The following AMACR variants were observed in gnomAD, a reference collection of about 807,000 sequenced individuals.
AMACR encodes 2-methylacyl-CoA racemase.
Under a neutral mutation model 22.2 loss-of-function variants are expected in AMACR, and 18 were observed. The ratio of observed to expected loss-of-function variants is 0.81; its 90% CI spans 0.56 to 1.20. The LOEUF (loss-of-function observed/expected upper bound fraction) is 1.20, where lower values mean the gene tolerates loss of function less well. Ranked by LOEUF, AMACR falls within the 50% of genes most tolerant of loss-of-function variation. The pLI, the probability that AMACR is intolerant of heterozygous loss-of-function variation, is 0.00. For missense variants in AMACR, 499 were observed against 490.6 expected (o/e 1.02, Z -0.16); for synonymous variants, 213 against 191.3 (o/e 1.11, Z -0.94).
Position 33,989,264 on chromosome 5 carries a change from G to A in AMACR, c.978C>T (p.Arg326=), listed in dbSNP as rs764961991. Residue 326 remains arginine (R), a synonymous_variant, in exon 5 of 5, where the codon CGC becomes CGT. Coordinates refer to ENST00000335606, the MANE Select transcript of AMACR (RefSeq NM_014324.6). ...GGGTGTTTAACAGCAGAGGTGCAGG[G>A]CGGGGGCTCACGTCCTGCTCCTCAC... ...ITSEEQDVSP[R]PAPLLLNTPA... is the part of the protein sequence containing the mutation. 3 of 1,613,956 alleles carry A rather than the reference G, an allele frequency of 1.9e-6. No individual in the cohort carries two copies. The highest frequency in any genetic ancestry group is 2.7e-5 in the African/African-American group (2 of 74,884).
chr5:33,988,872 A>G lies in AMACR; in HGVS notation c.*221T>C, dbSNP rs1753380643. 4.3e-6 allele frequency: 6 copies of G among 1,388,262 alleles called. No homozygotes were observed. Among genetic ancestry groups the G allele is most frequent in the Non-Finnish European group, 5.6e-6 (6 of 1,075,210 alleles). The allele number at this position is 1,388,262 out of a possible 1,614,324, so 86.0% of individuals were successfully genotyped here. ...ACTGGAAGGCAGAATAACTACCATA[A>G]TTTAGTATAAGTACCCAAAGTTTTA... On this transcript the variant is annotated 3_prime_UTR_variant, in exon 5 of 5. Transcript: ENST00000335606.
At chr5:33,990,773 G>GA (rs1753448841) in intron 4 of AMACR, among the ~76,000 whole-genome samples, 2 of 152,334 alleles carry the variant, frequency 1.3e-5, no homozygotes, top group African/African-American at 4.8e-5. Context: ...ATAGAGGTAA[G>GA]AAGACATAAA....
At chr5:34,004,977 T>C (rs1303058687) in intron 2 of AMACR, among the ~76,000 whole-genome samples, 1 of 152,238 alleles carries the variant, frequency 6.6e-6, no homozygotes, top group Non-Finnish European at 1.5e-5. Context: ...TTTTCAAATA[T>C]TGCTAAGTTT....
At chr5:33,991,763 C>T (rs961613464) in intron 4 of AMACR, among the ~76,000 whole-genome samples, 18 of 96,456 alleles carry the variant, frequency 1.9e-4, no homozygotes, top group Admixed American at 5.5e-4. Flanking sequence ...ATTTTTGAGA[C>T]GGAGTCTCCC....
At chr5:33,997,097 C>A in intron 4 of AMACR, 1 of 760,818 alleles carries the variant, frequency 1.3e-6, no homozygotes. Context: ...AACTGCTCTG[C>A]TGTGAGAGAG....
At chr5:33,996,067 T>G (rs1270960258) in intron 4 of AMACR, among the ~76,000 whole-genome samples, 3 of 152,100 alleles carry the variant, frequency 2.0e-5, no homozygotes, top group African/African-American at 7.2e-5. Context: ...GAACTGTCAT[T>G]ATTTAGCCTG....
In AMACR at chr5:34,004,476, C is replaced by A. The variant is rs182629265; in HGVS notation, c.552+98G>T. 87 of 1,512,312 alleles carry A rather than the reference C, an allele frequency of 5.8e-5. No individual in the cohort carries two copies. The African/African-American group carries it at 1.1e-3, about 18-fold the overall frequency. 93.7% of individuals were successfully genotyped at this position (1,512,312 alleles called of 1,614,324 possible). A position where few individuals can be genotyped will look rare whatever the true frequency, so the allele number is the denominator to read the frequency against. On this transcript the variant is annotated intron_variant, in intron 3 of 4. Coordinates refer to ENST00000335606, the MANE Select transcript of AMACR (RefSeq NM_014324.6). The stretch of plus-strand genomic sequence containing the variant: ...TAACCTGGCTTGAAACTTCAAATGT[C>A]ATTTATCTCTTGTCTTCTTCTTCAA...
chr5:33,996,816 G>A (rs1402217187), intron 4 of AMACR, among the ~76,000 whole-genome samples: 2 of 151,920 alleles, frequency 1.3e-5, no homozygotes, highest in Non-Finnish European at 2.9e-5. Context: ...GGTATTTAAG[G>A]ACATTTCTGT....
At chr5:34,002,162 A>G (rs1753838556) in intron 3 of AMACR, among the ~76,000 whole-genome samples, 1 of 152,048 alleles carries the variant, frequency 6.6e-6, no homozygotes, top group African/African-American at 2.4e-5. Context: ...AAGCCCAGCT[A>G]CTTTTTTGTA....
At chr5:34,002,984 G>A (rs993349460) in intron 3 of AMACR, among the ~76,000 whole-genome samples, 5 of 152,160 alleles carry the variant, frequency 3.3e-5, no homozygotes, top group Non-Finnish European at 1.5e-5. Context: ...GGGGTTTCTG[G>A]TAGAAAATGG....
chr5:34,007,830 C>A lies in AMACR; in HGVS notation c.190G>T (p.Ala64Ser), dbSNP rs768983010. The A allele has an allele frequency of 6.4e-7, 1 of 1,574,552 alleles. No homozygotes were observed. Among genetic ancestry groups the A allele is most frequent in the Non-Finnish European group, 8.6e-7 (1 of 1,163,928 alleles). Residue 64 changes from alanine to serine, a missense_variant, in exon 1 of 5, where the codon GCC (alanine) becomes TCC (serine). By Grantham distance (99) the Ala-to-Ser change is moderately conservative (BLOSUM62 1). Transcript: ENST00000335606. ...VLDLKQPRGAAVLRRLCKRSD... is the reference protein window; with the variant it reads ...VLDLKQPRGASVLRRLCKRSD... The stretch of plus-strand genomic sequence containing the variant: ...CGCTTGCACAGACGCCGCAGCACGG[C>A]GGCTCCCCGCGGCTGCTTCAGGTCC...
chr5:33,988,796 C>T lies in AMACR; in HGVS notation c.*297G>A, dbSNP rs1021068621. ...TATATCATTCCTTTTTCACTAGAAC[C>T]CATTCAAAATATAAGTCAAGAATCT... On this transcript the variant is annotated 3_prime_UTR_variant, in exon 5 of 5. Transcript: ENST00000335606. 1.7e-5 allele frequency: 21 copies of T among 1,256,134 alleles called. No homozygotes were observed. Among genetic ancestry groups the T allele is most frequent in the Non-Finnish European group, 2.1e-5 (21 of 996,366 alleles). 77.8% of individuals were successfully genotyped at this position (1,256,134 alleles called of 1,614,324 possible).
Position 33,988,307 on chromosome 5 carries a change from T to C in AMACR, c.*786A>G. On this transcript the variant is annotated 3_prime_UTR_variant, in exon 5 of 5. Coordinates refer to ENST00000335606, the MANE Select transcript of AMACR (RefSeq NM_014324.6). ...CGACTTGCTGGGGGGTCCTGAGATC[T>C]TTATTTCTGGATGTTGCTGTGTGTT... 6.5e-7 allele frequency: 1 copy of C among 1,539,906 alleles called. No individual in the cohort carries two copies. The highest frequency in any genetic ancestry group is 2.4e-5 in the East Asian group (1 of 41,406).
Position 34,005,849 on chromosome 5 carries a change from G to A in AMACR, c.298C>T (p.Pro100Ser). 6.2e-7 allele frequency: 1 copy of A among 1,614,102 alleles called. No individual in the cohort carries two copies. Among genetic ancestry groups the A allele is most frequent in the Non-Finnish European group, 8.5e-7 (1 of 1,180,014 alleles). Residue 100 changes from proline (P) to serine (S), a missense_variant, in exon 2 of 5, where the codon CCA becomes TCA. Transcript: ENST00000335606. ...CTCAGCCTGGCATAAATAAGCCTTGGATTTTCCCGCTGCAGAATCTCTGGG... is the reference window on the plus strand; with the variant it reads ...CTCAGCCTGGCATAAATAAGCCTTGAATTTTCCCGCTGCAGAATCTCTGGG... ...LGPEILQREN[P>S]RLIYARLSGF...
At position 34,007,785 on chromosome 5, in the gene AMACR, G is replaced by C. The variant is rs938653823; in HGVS notation, c.235C>G (p.Pro79Ala). ...GGCCCGGGCTCACCGCGGCGGAAGGGCTCCAGCAGCACATCCGACCGCTTG... is the reference window on the plus strand; with the variant it reads ...GGCCCGGGCTCACCGCGGCGGAAGGCCTCCAGCAGCACATCCGACCGCTTG... ...LCKRSDVLLE[P>A]FRRGVMEKLQ... The change falls in exon 1 of 5, where the codon CCC becomes GCC. Residue 79 changes from proline to alanine, a missense_variant. Transcript: ENST00000335606. 2 of 1,563,110 alleles carry C rather than the reference G, an allele frequency of 1.3e-6. No individual in the cohort carries two copies. The highest frequency in any genetic ancestry group is 1.4e-5 in the African/African-American group (1 of 73,992).
chr5:33,988,883 G>A lies in AMACR; in HGVS notation c.*210C>T, dbSNP rs956784061. 5.2e-5 allele frequency: 72 copies of A among 1,397,726 alleles called. 2 individuals are homozygous for A. In the South Asian group the frequency reaches 9.6e-4, roughly 19 times the overall value. 86.6% of individuals were successfully genotyped at this position (1,397,726 alleles called of 1,614,324 possible). A position where few individuals can be genotyped will look rare whatever the true frequency, so the allele number is the denominator to read the frequency against. ...GAATAACTACCATAATTTAGTATAA[G>A]TACCCAAAGTTTTATAAATCAAAAG... On this transcript the variant is annotated 3_prime_UTR_variant, in exon 5 of 5. Coordinates refer to ENST00000335606, the MANE Select transcript of AMACR (RefSeq NM_014324.6).
chr5:34,005,857 C>T lies in AMACR; in HGVS notation c.290G>A (p.Arg97Gln), dbSNP rs139273474. 20 of 1,614,016 alleles carry T rather than the reference C, an allele frequency of 1.2e-5. No homozygotes were observed. Among genetic ancestry groups the T allele is most frequent in the East Asian group, 6.7e-5 (3 of 44,892 alleles). ...KLQLGPEILQRENPRLIYARL... is the reference protein window; with the variant it reads ...KLQLGPEILQQENPRLIYARL... Reference sequence around the variant, plus strand: ...GGCATAAATAAGCCTTGGATTTTCCCGCTGCAGAATCTCTGGGCCCAGCTG... The same window carrying T: ...GGCATAAATAAGCCTTGGATTTTCCTGCTGCAGAATCTCTGGGCCCAGCTG... The change falls in exon 2 of 5, where the codon CGG (arginine) becomes CAG (glutamine). Residue 97 changes from arginine (R) to glutamine (Q), a missense_variant. Physicochemically the swap from Arg to Gln is conservative, Grantham distance 43. Coordinates refer to ENST00000335606, the MANE Select transcript of AMACR (RefSeq NM_014324.6).
chr5:34,007,532 CAG>C (rs1261208412), intron 1 of AMACR, among the ~76,000 whole-genome samples: 2 of 151,998 alleles, frequency 1.3e-5, no homozygotes, highest in Non-Finnish European at 2.9e-5. Flanking sequence ...GGGAAGGAGT[CAG>C]AGAGGCAAAA....
In AMACR at chr5:33,989,038, T is replaced by C. The variant is rs778457164; in HGVS notation, c.*55A>G. ...GTTTCCATGCATACAATGTTATGTG[T>C]TACTCTACACTGTAAATGCAGTATT... On this transcript the variant is annotated 3_prime_UTR_variant, in exon 5 of 5. Coordinates refer to ENST00000335606, the MANE Select transcript of AMACR (RefSeq NM_014324.6). 1.1e-4 allele frequency: 180 copies of C among 1,611,270 alleles called. No homozygotes were observed. Among genetic ancestry groups the C allele is most frequent in the Non-Finnish European group, 1.5e-4 (171 of 1,178,964 alleles).
Sources: gnomAD v4.1 joint callset for allele counts (sites outside exome capture counted in the v4.1 genomes callset) on GRCh38, gnomAD v4.1.1 for gene constraint, MANE v1.5 for transcripts, NCBI Gene and HGNC (gene_info 2026-07-23, HGNC 2026-07-21) for gene names.